The following SARDH variants were observed in gnomAD, a reference collection of about 807,000 sequenced individuals.
The protein encoded by SARDH is sarcosine dehydrogenase, also known as sarcosine dehydrogenase, mitochondrial.
In SARDH, 95 loss-of-function variants were observed where a neutral mutation model predicts 109.1. That is an observed-to-expected ratio of 0.87 (90% CI 0.74 to 1.03). The LOEUF is 1.03. Among genes scored for constraint, SARDH ranks in the 50% least tolerant of loss-of-function variants. The pLI is 0.00. For synonymous variants in SARDH, 572 were observed against 534.8 expected, an observed-to-expected ratio of 1.07 and a Z score of -0.96; for missense variants, 1,267 against 1,287.8, an observed-to-expected ratio of 0.98 and a Z score of 0.25.
At chr9:133,684,625 G>A (rs1408474201) in intron 17 of SARDH, among the ~76,000 whole-genome samples, 3 of 152,182 alleles carry the variant, frequency 2.0e-5, no homozygotes, top group Non-Finnish European at 2.9e-5. Flanking sequence ...TGCTGGCTCC[G>A]GACACTACCA....
At chr9:133,721,172 C>A (rs1832313031) in intron 6 of SARDH, among the ~76,000 whole-genome samples, 1 of 152,116 alleles carries the variant, frequency 6.6e-6, no homozygotes, top group Non-Finnish European at 1.5e-5. Context: ...ATGGAAGGGC[C>A]CAAGAGTGCC....
rs563087933 is a variant in SARDH at position 133,670,735 on chromosome 9, C to A, written c.2344G>T (p.Ala782Ser). The change falls in exon 19 of 21, where the codon GCG becomes TCG. Residue 782 changes from alanine (A) to serine (S), a missense_variant. By Grantham distance (99) the Ala-to-Ser change is moderately conservative (BLOSUM62 1). Coordinates refer to ENST00000439388, the MANE Select transcript of SARDH (RefSeq NM_001134707.2). Reference protein sequence around the residue: ...SIEKGYRHWHADLRPDDSPLE... With the variant: ...SIEKGYRHWHSDLRPDDSPLE... ...GGGCTGTCGTCTGGCCGCAGGTCCG[C>A]GTGCCAGTGCCGGTAGCCTGTGGGA... 3.2e-6 allele frequency: 5 copies of A among 1,585,534 alleles called. No individual in the cohort carries two copies. The highest frequency in any genetic ancestry group is 4.3e-6 in the Non-Finnish European group (5 of 1,167,158).
At chr9:133,659,754 G>GGC (rs1436708614), downstream of SARDH, among the ~76,000 whole-genome samples, 1 of 152,128 alleles carries the variant, frequency 6.6e-6, no homozygotes, top group Non-Finnish European at 1.5e-5. Flanking sequence ...CATAAGTCAC[G>GGC]GCGCTAGCGC....
At chr9:133,668,208 A>G (rs1362675992) in intron 19 of SARDH, among the ~76,000 whole-genome samples, 1 of 151,474 alleles carries the variant, frequency 6.6e-6, no homozygotes, top group South Asian at 2.1e-4. Flanking sequence ...GCTGTCACAC[A>G]AGAGACAGAG....
chr9:133,707,326 C>T (rs986901724), intron 11 of SARDH, among the ~76,000 whole-genome samples: 1 of 152,168 alleles, frequency 6.6e-6, no homozygotes, highest in Non-Finnish European at 1.5e-5. Context: ...TCAGGACTGG[C>T]AAGGGCGTGA....
In SARDH at chr9:133,729,821, G is replaced by C. The variant is rs776453448; in HGVS notation, c.859C>G (p.Pro287Ala). ...TAGGCATGGTGCATGGCCACCAGCGGGACCTTGACTCCAGCCATCCGGCCC... is the reference window on the plus strand; with the variant it reads ...TAGGCATGGTGCATGGCCACCAGCGCGACCTTGACTCCAGCCATCCGGCCC... ...AVGRMAGVKVPLVAMHHAYVV... is the reference protein window; with the variant it reads ...AVGRMAGVKVALVAMHHAYVV... The change falls in exon 6 of 21, where the codon CCG (proline) becomes GCG (alanine). Residue 287 changes from proline (P) to alanine (A), a missense_variant. Transcript: ENST00000439388. The C allele has an allele frequency of 8.7e-5, 141 of 1,612,464 alleles. No individual in the cohort carries two copies. The highest frequency in any genetic ancestry group is 1.1e-4 in the Non-Finnish European group (130 of 1,180,026).
In SARDH at chr9:133,733,240, C is replaced by T. The variant is rs368668725; in HGVS notation, c.331+603G>A. Among the ~76,000 whole-genome samples, 11 of 152,346 alleles carry T rather than the reference C, an allele frequency of 7.2e-5. No individual in the cohort carries two copies. The East Asian group carries it at 2.1e-3, about 29-fold the overall frequency. ...TCTTCCCAACTCCACAGTCAGTGACCTCACACTGGTGGCTTTTGCTATTGG... is the reference window on the plus strand; with the variant it reads ...TCTTCCCAACTCCACAGTCAGTGACTTCACACTGGTGGCTTTTGCTATTGG... On this transcript the variant is annotated intron_variant, in intron 2 of 20. Coordinates refer to ENST00000439388, the MANE Select transcript of SARDH (RefSeq NM_001134707.2).
downstream of SARDH, among the ~76,000 whole-genome samples, chr9:133,661,347 AAAC>A (rs796700057): frequency 0.025 from 3,839 of 150,772 alleles, 126 homozygotes; most frequent in African/African-American, 0.075. Context: ...CTCAAAAAAA[AAAC>A]AACAACAACA....
At chr9:133,671,474 GA>G in intron 18 of SARDH, 60 bp downstream of exon 18, 1 of 1,482,256 alleles carries the variant, frequency 6.7e-7, no homozygotes. Context: ...CAGGTGTCTC[GA>G]GCGTCACTGC....
rs146674075 is a variant in SARDH, at chr9:133,716,736, G to A, written c.1150+590C>T. On this transcript the variant is annotated intron_variant, in intron 8 of 20. Transcript: ENST00000439388. The stretch of plus-strand genomic sequence containing the variant: ...CTCCTGGGGCTAGCAAGGAGGGCCA[G>A]AGTTAGGGGAATCTTGACACAAGAA... Among the ~76,000 whole-genome samples the A allele has an allele frequency of 7.0e-4, 106 of 151,622 alleles. 1 individual carries two copies. The highest frequency in any genetic ancestry group is 1.4e-3 in the Non-Finnish European group (94 of 67,892).
intron 20 of SARDH, among the ~76,000 whole-genome samples, chr9:133,664,412 G>C (rs1282071574): frequency 6.6e-6 from 1 of 152,242 alleles, no homozygotes; most frequent in Admixed American, 6.5e-5. Context: ...TCGGGGCAGG[G>C]GCGGCTGGAA....
chr9:133,671,486 C>T (rs1830344986), intron 18 of SARDH, 49 bp downstream of exon 18: 4 of 1,510,290 alleles, frequency 2.6e-6, no homozygotes, highest in African/African-American at 1.4e-5. Context: ...GCGTCACTGC[C>T]CCCCACTGCG....
At chr9:133,703,518 T>C (rs1487360518) in intron 12 of SARDH, 1 of 160,636 alleles carries the variant, frequency 6.2e-6, no homozygotes, top group African/African-American at 2.4e-5. Flanking sequence ...GACCTGGCAG[T>C]GGCACGAAGC....
At chr9:133,736,936 G>A (rs1230487981) in intron 1 of SARDH, among the ~76,000 whole-genome samples, 1 of 152,210 alleles carries the variant, frequency 6.6e-6, no homozygotes, top group Non-Finnish European at 1.5e-5. Flanking sequence ...CCATAGCTAT[G>A]CACGTTCGTT....
intron 11 of SARDH, 58 bp downstream of exon 11, chr9:133,708,229 C>T: frequency 6.4e-7 from 1 of 1,560,396 alleles, no homozygotes; most frequent in Non-Finnish European, 8.7e-7. Context: ...ACTCCGCTGC[C>T]CTGAGGACGT....
intron 12 of SARDH, chr9:133,703,376 G>T: frequency 3.0e-6 from 1 of 338,116 alleles, no homozygotes; most frequent in East Asian, 5.6e-5. Flanking sequence ...GGCAATCCCA[G>T]GCCCAGCTCC....
In SARDH at chr9:133,703,023, C is replaced by T. The variant is rs763195784; in HGVS notation, c.1561G>A (p.Glu521Lys). 25 of 1,612,870 alleles carry T rather than the reference C, an allele frequency of 1.6e-5. No homozygotes were observed. The South Asian group carries it at 2.6e-4, about 17-fold the overall frequency. Reference sequence around the variant, plus strand: ...CCGTAAGCCCCGTAGTAGTCGTACTCGAGGACCTGGGAAGAAAAGACGTGG... The same window carrying T: ...CCGTAAGCCCCGTAGTAGTCGTACTTGAGGACCTGGGAAGAAAAGACGTGG... ...FHPRGPAPVL[E>K]YDYYGAYGSR... Residue 521 changes from glutamate (E) to lysine (K), a missense_variant, in exon 13 of 21, where the codon GAG (glutamate) becomes AAG (lysine). By Grantham distance (56) the Glu-to-Lys change is moderately conservative (BLOSUM62 1). Coordinates refer to ENST00000439388, the MANE Select transcript of SARDH (RefSeq NM_001134707.2).
At chr9:133,710,643 C>A (rs1831883189) in intron 10 of SARDH, among the ~76,000 whole-genome samples, 1 of 152,276 alleles carries the variant, frequency 6.6e-6, no homozygotes, top group Non-Finnish European at 1.5e-5. Context: ...CTTTCAACGA[C>A]TTTCTCAGGC....
chr9:133,702,499 G>A (rs1192370038), intron 13 of SARDH, among the ~76,000 whole-genome samples: 3 of 152,222 alleles, frequency 2.0e-5, no homozygotes, highest in Admixed American at 1.3e-4. Context: ...AGGAGCCTGC[G>A]GCCCCCTTGT....
Sources: gnomAD v4.1 joint callset for allele counts (sites outside exome capture counted in the v4.1 genomes callset) on GRCh38, gnomAD v4.1.1 for gene constraint, MANE v1.5 for transcripts, NCBI Gene and HGNC (gene_info 2026-07-23, HGNC 2026-07-21) for gene names.